Variants in UBE2Z observed in about 807,000 individuals in gnomAD.
The protein encoded by UBE2Z is ubiquitin-conjugating enzyme E2 Z.
Under a neutral mutation model 32.6 loss-of-function variants are expected in UBE2Z, and 10 were observed. The observed-to-expected ratio is 0.31, with a 90% CI of 0.19 to 0.52. The LOEUF is 0.52. Ranked by LOEUF, UBE2Z falls within the 20% of genes least tolerant of loss-of-function variation. The pLI is 0.97. For synonymous variants in UBE2Z, 183 were observed against 190.8 expected (o/e 0.96, Z 0.34); for missense variants, 343 against 480.9 (o/e 0.71, Z 2.68).
chr17:48,913,062 G>C, intron 3 of UBE2Z, 41 bp downstream of exon 3: 1 of 1,594,716 alleles, frequency 6.3e-7, no homozygotes, highest in Non-Finnish European at 8.6e-7. Context: ...GTTGTTAGCA[G>C]ATAATTACTC....
chr17:48,921,912 C>T (rs2040761820), intron 5 of UBE2Z, among the ~76,000 whole-genome samples: 1 of 152,078 alleles, frequency 6.6e-6, no homozygotes, highest in South Asian at 2.1e-4. Flanking sequence ...CCTGCAGTCA[C>T]AGCCAGTCAG....
intron 1 of UBE2Z, among the ~76,000 whole-genome samples, chr17:48,909,543 C>A (rs2040660209): frequency 8.6e-6 from 1 of 115,812 alleles, no homozygotes; most frequent in South Asian, 3.5e-4. Context: ...AATTTCCCTC[C>A]CCCCACCCCC....
intron 1 of UBE2Z, among the ~76,000 whole-genome samples, chr17:48,909,879 TATA>T (rs2143755668): frequency 6.6e-6 from 1 of 152,254 alleles, no homozygotes; most frequent in African/African-American, 2.4e-5. Context: ...TAAAAATTAA[TATA>T]ATGTGTGTAA....
chr17:48,920,103 G>A (rs565329861), intron 4 of UBE2Z, among the ~76,000 whole-genome samples: 43 of 152,204 alleles, frequency 2.8e-4, no homozygotes, highest in African/African-American at 8.7e-4. Context: ...GAGGAGCATC[G>A]CTTGAGCCCA....
At chr17:48,925,838 CA>C (rs2040794029) in intron 6 of UBE2Z, among the ~76,000 whole-genome samples, 1 of 152,176 alleles carries the variant, frequency 6.6e-6, no homozygotes, top group Non-Finnish European at 1.5e-5. Flanking sequence ...CAGTGACTAG[CA>C]TCCACTGCCA....
At chr17:48,921,317 G>T in intron 5 of UBE2Z, 45 bp downstream of exon 5, 1 of 1,492,692 alleles carries the variant, frequency 6.7e-7, no homozygotes, top group Non-Finnish European at 9.2e-7. Context: ...CGGGCATTTG[G>T]GTAGTTGGCA....
chr17:48,922,534 C>A (rs999809414), intron 5 of UBE2Z, among the ~76,000 whole-genome samples: 3 of 151,792 alleles, frequency 2.0e-5, no homozygotes, highest in Non-Finnish European at 4.4e-5. Context: ...TTTGGGAGGC[C>A]GACGCAGGCA....
chr17:48,917,892 T>G (rs1402561289), intron 4 of UBE2Z, among the ~76,000 whole-genome samples: 2 of 152,138 alleles, frequency 1.3e-5, no homozygotes, highest in African/African-American at 4.8e-5. Flanking sequence ...CCAGTGATAG[T>G]CCCAAAAGAA....
intron 2 of UBE2Z, chr17:48,912,601 T>C (rs1041841167): frequency 1.4e-5 from 7 of 503,082 alleles, no homozygotes; most frequent in African/African-American, 5.7e-5. Context: ...GCTCTAACTT[T>C]AGAAGTAACC....
Position 48,927,053 on chromosome 17 carries a change from C to T in UBE2Z, c.984C>T (p.Leu328=), listed in dbSNP as rs1249963343. Residue 328 remains leucine, a synonymous_variant, in exon 7 of 7, where the codon CTC becomes CTT. Transcript: ENST00000360943. ...GLIRQKVLER[L]HNENAEMDSD... ...TACGTCAGAAAGTGCTGGAGAGGCT[C>T]CATAATGAGAATGCAGAAATGGACT... 2 of 1,613,884 alleles carry T rather than the reference C, an allele frequency of 1.2e-6. No individual in the cohort carries two copies. The highest frequency in any genetic ancestry group is 2.2e-5 in the South Asian group (2 of 91,064).
intron 4 of UBE2Z, among the ~76,000 whole-genome samples, chr17:48,918,117 T>G (rs1270221003): frequency 1.3e-5 from 2 of 151,620 alleles, no homozygotes; most frequent in African/African-American, 4.9e-5. Flanking sequence ...TTTGTATTTT[T>G]AGTAGAGAAG....
intron 5 of UBE2Z, among the ~76,000 whole-genome samples, chr17:48,922,394 TAAAAA>T (rs895283585): frequency 5.3e-5 from 8 of 151,612 alleles, no homozygotes. Flanking sequence ...CTCAAAAAAA[TAAAAA>T]ATAAATAAAA....
chr17:48,924,782 G>A (rs1051904707), intron 6 of UBE2Z, among the ~76,000 whole-genome samples: 2 of 136,680 alleles, frequency 1.5e-5, no homozygotes, highest in Non-Finnish European at 3.0e-5. Flanking sequence ...GGAGGCAGAG[G>A]TTGCAGTAAA....
At chr17:48,921,480 AG>A (rs1288301219) in intron 5 of UBE2Z, among the ~76,000 whole-genome samples, 1 of 152,162 alleles carries the variant, frequency 6.6e-6, no homozygotes, top group Admixed American at 6.5e-5. Context: ...CCTTTGGGAG[AG>A]GCAGTCCACA....
Position 48,908,600 on chromosome 17 carries a change from A to G in UBE2Z, c.97A>G (p.Ser33Gly). The change falls in exon 1 of 7, where the codon AGC (serine) becomes GGC (glycine). Residue 33 changes from serine to glycine, a missense_variant. By Grantham distance (56) the Ser-to-Gly change is moderately conservative (BLOSUM62 0). Coordinates refer to ENST00000360943, the MANE Select transcript of UBE2Z (RefSeq NM_023079.5). ...TGCTGGTGTTGTTGGCGTTAGCGGC[A>G]GCGGCGGCGGGTTCGGGCCGCCTTT... ...SVAGVVGVSG[S>G]GGGFGPPFLP... 4 of 1,238,906 alleles carry G rather than the reference A, an allele frequency of 3.2e-6. No homozygotes were observed. Among genetic ancestry groups the G allele is most frequent in the Non-Finnish European group, 4.0e-6 (4 of 988,508 alleles). The allele number at this position is 1,238,906 out of a possible 1,614,324, so 76.7% of individuals were successfully genotyped here. A position where few individuals can be genotyped will look rare whatever the true frequency, so the allele number is the denominator to read the frequency against.
chr17:48,916,543 G>A (rs1162219091), intron 4 of UBE2Z, among the ~76,000 whole-genome samples: 7 of 151,468 alleles, frequency 4.6e-5, no homozygotes, highest in Non-Finnish European at 7.4e-5. Context: ...GAGCCACCGC[G>A]CCCAGCCAGA....
chr17:48,909,684 A>T (rs1235202547), intron 1 of UBE2Z, among the ~76,000 whole-genome samples: 2 of 151,958 alleles, frequency 1.3e-5, no homozygotes, highest in East Asian at 3.9e-4. Flanking sequence ...TTAGTAGATG[A>T]TGTTTTCCAG....
At position 48,910,820 on chromosome 17, in the gene UBE2Z, C is replaced by G. The variant is rs779490875; in HGVS notation, c.330C>G (p.Ser110=). Residue 110 remains serine, a synonymous_variant, in exon 2 of 7, where the codon TCC becomes TCG. Transcript: ENST00000360943. Reference sequence around the variant, plus strand: ...TGGTGTTATACAGGGATATCATGTCCATTTATAAGGAGCCTCCTCCAGGAA... The same window carrying G: ...TGGTGTTATACAGGGATATCATGTCGATTTATAAGGAGCCTCCTCCAGGAA... The part of the protein sequence containing the change: ...CLLRIKRDIM[S]IYKEPPPGMF... 16 of 1,612,982 alleles carry G rather than the reference C, an allele frequency of 9.9e-6. 1 individual carries two copies. Among genetic ancestry groups the G allele is most frequent in the Middle Eastern group, 1.7e-4 (1 of 6,060 alleles).
chr17:48,920,311 G>A (rs759289812), intron 4 of UBE2Z, among the ~76,000 whole-genome samples: 24 of 152,062 alleles, frequency 1.6e-4, no homozygotes, highest in Non-Finnish European at 2.9e-4. Flanking sequence ...CCTGGCCAAC[G>A]TGGTGAAACA....
Sources: allele counts gnomAD v4.1 joint callset (sites outside exome capture counted in the v4.1 genomes callset), GRCh38; gene constraint gnomAD v4.1.1; transcripts MANE v1.5; gene names NCBI Gene and HGNC (gene_info 2026-07-23, HGNC 2026-07-21).